The following TMPRSS11D variants were observed in gnomAD, a reference collection of about 807,000 sequenced individuals.
TMPRSS11D encodes transmembrane serine protease 11D, also known as transmembrane protease serine 11D.
A neutral mutation model predicts 44.4 loss-of-function variants in TMPRSS11D; 32 were observed. That is an observed-to-expected ratio of 0.72 (90% CI 0.54 to 0.97). The LOEUF is 0.97. Ranked by LOEUF, TMPRSS11D falls within the 50% of genes least tolerant of loss-of-function variation. The pLI, the probability that TMPRSS11D is intolerant of heterozygous loss-of-function variation, is 0.00. For synonymous variants in TMPRSS11D, 179 were observed against 177.9 expected (o/e 1.01, Z -0.05); for missense variants, 446 against 502.6 (o/e 0.89, Z 1.08).
Position 67,872,694 on chromosome 4 carries a change from G to A in TMPRSS11D, c.8+11232C>T, listed in dbSNP as rs375994623. 7.4e-4 allele frequency among the ~76,000 whole-genome samples: 112 copies of A among 152,162 alleles called. 1 individual carries two copies. The South Asian group carries it at 0.021, about 28-fold the overall frequency. Reference sequence around the variant, plus strand: ...AACAAAATTACCAAGTTTCCTGTGCGTAATTGACAATGAGGGTGGACTTAA... The same window carrying A: ...AACAAAATTACCAAGTTTCCTGTGCATAATTGACAATGAGGGTGGACTTAA... On this transcript the variant is annotated intron_variant, in intron 1 of 9. Coordinates refer to ENST00000283916, the MANE Select transcript of TMPRSS11D (RefSeq NM_004262.3).
intron 2 of TMPRSS11D, among the ~76,000 whole-genome samples, chr4:67,858,876 T>G (rs1310897872): frequency 6.6e-6 from 1 of 152,192 alleles, no homozygotes; most frequent in African/African-American, 2.4e-5. Flanking sequence ...TGTTTATGAA[T>G]GAGCATGATA....
intron 2 of TMPRSS11D, among the ~76,000 whole-genome samples, chr4:67,855,170 G>A (rs1022888412): frequency 6.6e-6 from 1 of 150,428 alleles, no homozygotes; most frequent in African/African-American, 2.5e-5. Flanking sequence ...CAGGAGAATT[G>A]CTTGAACCCG....
intron 9 of TMPRSS11D, among the ~76,000 whole-genome samples, 175 bp downstream of exon 9, chr4:67,825,557 T>C (rs1157507839): frequency 1.3e-5 from 2 of 152,140 alleles, no homozygotes; most frequent in Non-Finnish European, 2.9e-5. Flanking sequence ...AATGCTTTCA[T>C]GATAGATAAA....
At chr4:67,848,346 C>T (rs1718408612) in intron 3 of TMPRSS11D, among the ~76,000 whole-genome samples, 1 of 152,118 alleles carries the variant, frequency 6.6e-6, no homozygotes, top group African/African-American at 2.4e-5. Context: ...CAGGTACTTT[C>T]GTTATTTCTA....
In TMPRSS11D at chr4:67,857,879, A is replaced by G. The variant is rs754260519; in HGVS notation, c.130+1678T>C. On this transcript the variant is annotated intron_variant, in intron 2 of 9. Transcript: ENST00000283916. The stretch of plus-strand genomic sequence containing the variant: ...AAGAGGACTTGAGTTGTTCTAATAC[A>G]TAGAAATGATAAATACTCAAAGGGC... Among the ~76,000 whole-genome samples, 8 of 152,230 alleles carry G rather than the reference A, an allele frequency of 5.3e-5. No individual in the cohort carries two copies. The South Asian group carries it at 1.2e-3, about 24-fold the overall frequency.
At chr4:67,878,689 G>A (rs528493264) in intron 1 of TMPRSS11D, among the ~76,000 whole-genome samples, 15 of 152,286 alleles carry the variant, frequency 9.8e-5, no homozygotes, top group African/African-American at 3.6e-4. Flanking sequence ...ACTTTGGGAG[G>A]CCGAGGTGGG....
At chr4:67,872,465 G>A (rs1385819665) in intron 1 of TMPRSS11D, among the ~76,000 whole-genome samples, 1 of 152,074 alleles carries the variant, frequency 6.6e-6, no homozygotes, top group African/African-American at 2.4e-5. Flanking sequence ...ATGAGTACTT[G>A]AATATCACGT....
rs993376445 is a variant in TMPRSS11D at position 67,846,073 on chromosome 4, T to C, written c.250-3448A>G. On this transcript the variant is annotated intron_variant, in intron 3 of 9. Coordinates refer to ENST00000283916, the MANE Select transcript of TMPRSS11D (RefSeq NM_004262.3). ...TAATAGAAGTAATGCTTTTGTCATT[T>C]TAATCACTCTTCTGTTACAACTTTC... Among the ~76,000 whole-genome samples, 51 of 152,166 alleles carry C rather than the reference T, an allele frequency of 3.4e-4. 1 individual carries two copies. The highest frequency in any genetic ancestry group is 2.9e-3 in the Admixed American group (44 of 15,290).
intron 1 of TMPRSS11D, among the ~76,000 whole-genome samples, chr4:67,881,895 C>T (rs1228738801): frequency 2.0e-5 from 3 of 152,166 alleles, no homozygotes; most frequent in Non-Finnish European, 4.4e-5. Context: ...TAAATCTTTC[C>T]ATAAACTACA....
chr4:67,878,854 A>AGG (rs1719255460), intron 1 of TMPRSS11D, among the ~76,000 whole-genome samples: 1 of 152,156 alleles, frequency 6.6e-6, no homozygotes, highest in African/African-American at 2.4e-5. Flanking sequence ...TGAACCCAGG[A>AGG]GGCAGAGGTC....
chr4:67,826,197 A>C (rs1717788467), intron 8 of TMPRSS11D, among the ~76,000 whole-genome samples: 1 of 152,146 alleles, frequency 6.6e-6, no homozygotes, highest in Non-Finnish European at 1.5e-5. Flanking sequence ...TTGGAAGATT[A>C]CATATTGAAT....
chr4:67,843,966 T>A (rs1718297415), intron 3 of TMPRSS11D, among the ~76,000 whole-genome samples: 1 of 152,176 alleles, frequency 6.6e-6, no homozygotes, highest in African/African-American at 2.4e-5. Context: ...GACTGAATCA[T>A]AACTATCTCC....
At chr4:67,854,828 C>T (rs993763165) in intron 2 of TMPRSS11D, among the ~76,000 whole-genome samples, 1 of 152,138 alleles carries the variant, frequency 6.6e-6, no homozygotes, top group Non-Finnish European at 1.5e-5. Context: ...TGCTATTCTA[C>T]CAAACCTTAA....
intron 1 of TMPRSS11D, among the ~76,000 whole-genome samples, chr4:67,877,365 C>A (rs1719216957): frequency 6.6e-6 from 1 of 152,126 alleles, no homozygotes; most frequent in Non-Finnish European, 1.5e-5. Context: ...TGTACTGAAT[C>A]CAGTACCCAC....
chr4:67,835,048 G>C (rs1188498258), intron 6 of TMPRSS11D, 35 bp downstream of exon 6: 2 of 1,598,384 alleles, frequency 1.3e-6, no homozygotes, highest in Admixed American at 1.7e-5. Flanking sequence ...TTATGATTTG[G>C]CAAATTACAG....
In TMPRSS11D at chr4:67,822,216, T is replaced by C; in HGVS notation, c.*121A>G. On this transcript the variant is annotated 3_prime_UTR_variant, in exon 10 of 10. Coordinates refer to ENST00000283916, the MANE Select transcript of TMPRSS11D (RefSeq NM_004262.3). ...TAAACAGTGTTTGTTAAACCATATT[T>C]ATGTAACAAGATGTTAAATTAGGAC... The C allele has an allele frequency of 8.9e-7, 1 of 1,126,938 alleles. No homozygotes were observed. The highest frequency in any genetic ancestry group is 1.6e-5 in the South Asian group (1 of 64,328). The allele number at this position is 1,126,938 out of a possible 1,614,324, so 69.8% of individuals were successfully genotyped here.
chr4:67,838,892 A>G (rs992902853), intron 4 of TMPRSS11D: 1 of 152,118 alleles, frequency 6.6e-6, no homozygotes, highest in Non-Finnish European at 1.5e-5. Context: ...TTTGTCGTAT[A>G]TTAAGATTTC....
Position 67,869,951 on chromosome 4 carries a change from T to A in TMPRSS11D, c.9-10273A>T, listed in dbSNP as rs75276026. On this transcript the variant is annotated intron_variant, in intron 1 of 9. Coordinates refer to ENST00000283916, the MANE Select transcript of TMPRSS11D (RefSeq NM_004262.3). Reference sequence around the variant, plus strand: ...TTTTGCAAATCTGTGCTCCTTTTTTTAGCAAACACCCTCCCCTGCCAAAAA... The same window carrying A: ...TTTTGCAAATCTGTGCTCCTTTTTTAAGCAAACACCCTCCCCTGCCAAAAA... Among the ~76,000 whole-genome samples, 1,317 of 152,238 alleles carry A rather than the reference T, an allele frequency of 8.7e-3. 14 individuals are homozygous for A. The highest frequency in any genetic ancestry group is 0.028 in the African/African-American group (1,157 of 41,538).
chr4:67,854,527 A>G lies in TMPRSS11D; in HGVS notation c.131-341T>C, dbSNP rs115288357. 7.0e-3 allele frequency among the ~76,000 whole-genome samples: 1,059 copies of G among 152,268 alleles called. 19 individuals carry two copies. Among genetic ancestry groups the G allele is most frequent in the Non-Finnish European group, 4.4e-3 (297 of 68,016 alleles). On this transcript the variant is annotated intron_variant, in intron 2 of 9. Transcript: ENST00000283916. ...AAATATTAATGTATGTTTGTAATAT[A>G]CTATTATTTATTTATCATTAAGAAA...
Sources: allele counts gnomAD v4.1 joint callset (sites outside exome capture counted in the v4.1 genomes callset), GRCh38; gene constraint gnomAD v4.1.1; transcripts MANE v1.5; gene names NCBI Gene and HGNC (gene_info 2026-07-23, HGNC 2026-07-21).